The following PUM2 variants were observed in gnomAD, a reference collection of about 807,000 sequenced individuals.
The protein encoded by PUM2 is pumilio RNA binding family member 2.
PUM2 carries 57 observed loss-of-function variants against 124.5 expected under a neutral mutation model. The observed-to-expected ratio is 0.46, with a 90% CI of 0.37 to 0.57. The LOEUF (loss-of-function observed/expected upper bound fraction) is 0.57, where lower values mean the gene tolerates loss of function less well. PUM2 is among the 20% of genes least tolerant of loss of function. The pLI, the probability that PUM2 is intolerant of heterozygous loss-of-function variation, is 0.00. For missense variants in PUM2, 1,065 were observed against 1,290.6 expected, an observed-to-expected ratio of 0.83 and a Z score of 2.68; for synonymous variants, 460 against 446.1, an observed-to-expected ratio of 1.03 and a Z score of -0.39.
In PUM2 at chr2:20,308,411, C is replaced by T. The variant is rs768633137; in HGVS notation, c.692G>A (p.Gly231Asp). The change falls in exon 6 of 21, where the codon GGT (glycine) becomes GAT (aspartate). Residue 231 changes from glycine (G) to aspartate (D), a missense_variant. This residue lies in a region of PUM2 where 968 missense variants were observed against 1,159.8 expected (regional missense o/e 0.83). Coordinates refer to ENST00000361078, the MANE Select transcript of PUM2 (RefSeq NM_015317.5). The stretch of plus-strand genomic sequence containing the variant: ...ATAGTCAAACTGTAAGGATTCCAGA[C>T]CAACTTGTTCCATGGCATCCAGATT... ...TQNLDAMEQV[G>D]LESLQFDYPG... is the part of the protein sequence containing the mutation. The T allele has an allele frequency of 6.2e-7, 1 of 1,613,974 alleles. No individual in the cohort carries two copies. Among genetic ancestry groups the T allele is most frequent in the African/African-American group, 1.3e-5 (1 of 74,900 alleles).
intron 13 of PUM2, among the ~76,000 whole-genome samples, chr2:20,267,411 T>C (rs1368410567): frequency 6.6e-6 from 1 of 152,206 alleles, no homozygotes; most frequent in Non-Finnish European, 1.5e-5. Context: ...ACAGCCAATG[T>C]GATAAAGCGG....
At position 20,312,255 on chromosome 2, in the gene PUM2, C is replaced by T. The variant is rs139677788; in HGVS notation, c.329G>A (p.Arg110Gln). Residue 110 changes from arginine (R) to glutamine (Q), a missense_variant, in exon 4 of 21, where the codon CGA becomes CAA. Physicochemically the swap from Arg to Gln is conservative, Grantham distance 43. This residue lies in a region of PUM2 where 968 missense variants were observed against 1,159.8 expected (regional missense o/e 0.83). Coordinates refer to ENST00000361078, the MANE Select transcript of PUM2 (RefSeq NM_015317.5). Reference protein sequence around the residue: ...SSSPADKLDSRFRKGNFGTRD... With the variant: ...SSSPADKLDSQFRKGNFGTRD... Reference sequence around the variant, plus strand: ...ACTTACAAAATTTCCCTTCCTAAATCGAGAATCCAATTTATCAGCAGGAGA... The same window carrying T: ...ACTTACAAAATTTCCCTTCCTAAATTGAGAATCCAATTTATCAGCAGGAGA... The T allele has an allele frequency of 5.6e-4, 905 of 1,604,438 alleles. 1 individual carries two copies. The highest frequency in any genetic ancestry group is 7.2e-4 in the Non-Finnish European group (845 of 1,175,508).
intron 1 of PUM2, among the ~76,000 whole-genome samples, chr2:20,343,597 C>A (rs1210830168): frequency 6.6e-6 from 1 of 152,074 alleles, no homozygotes; most frequent in African/African-American, 2.4e-5. Context: ...TTATTCCTAA[C>A]ACTAAGCTTT....
At chr2:20,344,035 G>C (rs999371907) in intron 1 of PUM2, among the ~76,000 whole-genome samples, 1 of 151,782 alleles carries the variant, frequency 6.6e-6, no homozygotes, top group East Asian at 1.9e-4. Context: ...ACAGATACAA[G>C]GTTTCATAGT....
At chr2:20,307,227 C>CA (rs530585434) in intron 7 of PUM2, among the ~76,000 whole-genome samples, 36 of 151,904 alleles carry the variant, frequency 2.4e-4, no homozygotes, top group Non-Finnish European at 4.4e-4. Flanking sequence ...AATAAACAAA[C>CA]AAAAAAACTG....
intron 10 of PUM2, among the ~76,000 whole-genome samples, chr2:20,287,051 C>CA (rs773182010): frequency 1.3e-5 from 2 of 151,740 alleles, no homozygotes; most frequent in African/African-American, 4.8e-5. Flanking sequence ...AAAACAAAAA[C>CA]AAAAAAACAT....
intron 2 of PUM2, among the ~76,000 whole-genome samples, chr2:20,320,905 C>T (rs898942285): frequency 1.3e-5 from 2 of 152,022 alleles, no homozygotes; most frequent in African/African-American, 4.8e-5. Context: ...GAAAATAATT[C>T]CTTAAAGAAT....
chr2:20,309,356 T>A (rs900114560), intron 5 of PUM2, among the ~76,000 whole-genome samples: 2 of 149,650 alleles, frequency 1.3e-5, no homozygotes, highest in African/African-American at 4.9e-5. Flanking sequence ...GCTGAAACCA[T>A]CAGAAAGAAA....
intron 13 of PUM2, among the ~76,000 whole-genome samples, chr2:20,265,276 TAAG>T (rs1667392375): frequency 6.6e-6 from 1 of 151,660 alleles, no homozygotes; most frequent in Non-Finnish European, 1.5e-5. Context: ...GCATGTAATT[TAAG>T]AAGCTATCTT....
chr2:20,286,909 C>T (rs751447790), intron 10 of PUM2, among the ~76,000 whole-genome samples: 1 of 151,886 alleles, frequency 6.6e-6, no homozygotes, highest in Non-Finnish European at 1.5e-5. Flanking sequence ...CAACCCTGAT[C>T]GTGCCTGATC....
chr2:20,254,654 G>C (rs990434316), intron 19 of PUM2, among the ~76,000 whole-genome samples: 23 of 151,878 alleles, frequency 1.5e-4, no homozygotes, highest in African/African-American at 5.6e-4. Flanking sequence ...TCCAAATACA[G>C]ATTTCATAAA....
At position 20,294,356 on chromosome 2, in the gene PUM2, T is replaced by C; in HGVS notation, c.1152+20A>G. On this transcript the variant is annotated intron_variant, in intron 9 of 20. Coordinates refer to ENST00000361078, the MANE Select transcript of PUM2 (RefSeq NM_015317.5). ...AATTTCAAAGAATACTTGGTATTAC[T>C]TAATAGAAGGAAGGCCTACCTGTTG... The C allele has an allele frequency of 6.2e-7, 1 of 1,610,774 alleles. No homozygotes were observed. The highest frequency in any genetic ancestry group is 8.5e-7 in the Non-Finnish European group (1 of 1,178,302).
chr2:20,267,026 C>CTTTTTTTTTTTTTTTTTTTTT (rs373222999), intron 13 of PUM2, among the ~76,000 whole-genome samples: 2 of 142,816 alleles, frequency 1.4e-5, no homozygotes, highest in South Asian at 4.5e-4. Context: ...ATGCCTGTAA[C>CTTTTTTTTTTTTTTTTTTTTT]TTTTTTTTTT....
intron 15 of PUM2, 120 bp downstream of exon 15, chr2:20,260,217 A>C (rs1665840514): frequency 7.2e-6 from 8 of 1,111,732 alleles, no homozygotes; most frequent in Non-Finnish European, 8.7e-6. Context: ...TAAATATCTT[A>C]TCCCTGGCTT....
In PUM2 at chr2:20,278,677, T is replaced by C. The variant is rs1465144766; in HGVS notation, c.1863A>G (p.Pro621=). The change falls in exon 13 of 21, where the codon CCA becomes CCG. Residue 621 remains proline, a synonymous_variant. Transcript: ENST00000361078. ...NSLGFSSSPS[P]IGMPLPSQTP... ...TTTGGCTTGGCAGAGGCATGCCTAT[T>C]GGACTTGGAGAGGAGGAAAATCCCA... 6.2e-7 allele frequency: 1 copy of C among 1,613,458 alleles called. No homozygotes were observed.
intron 13 of PUM2, among the ~76,000 whole-genome samples, chr2:20,272,787 T>C (rs1488251460): frequency 6.6e-6 from 1 of 152,198 alleles, no homozygotes; most frequent in Non-Finnish European, 1.5e-5. Flanking sequence ...ACCTAAAATA[T>C]GGTATGTCCT....
chr2:20,278,788 C>A lies in PUM2; in HGVS notation c.1752G>T (p.Arg584Ser). ...VGSSASSSAT[R>S]RESLSTSSDL... The stretch of plus-strand genomic sequence containing the variant: ...CAGAGCTAGTAGATAGAGACTCTCT[C>A]CTTGTGGCACTACTACTTGCAGAAC... Residue 584 changes from arginine (R) to serine (S), a missense_variant, in exon 13 of 21, where the codon AGG becomes AGT. Coordinates refer to ENST00000361078, the MANE Select transcript of PUM2 (RefSeq NM_015317.5). 1 of 1,613,104 alleles carries A rather than the reference C, an allele frequency of 6.2e-7. No individual in the cohort carries two copies. The highest frequency in any genetic ancestry group is 8.5e-7 in the Non-Finnish European group (1 of 1,179,398).
chr2:20,344,947 C>G lies in PUM2; in HGVS notation c.-19+5650G>C, dbSNP rs191524512. On this transcript the variant is annotated intron_variant, in intron 1 of 20. Coordinates refer to ENST00000361078, the MANE Select transcript of PUM2 (RefSeq NM_015317.5). ...GCAGTGAGTTGTGATAGTGCCACTG[C>G]ACTCCAGCCAGAGCAACGGAGGGAG... Among the ~76,000 whole-genome samples the G allele has an allele frequency of 7.2e-3, 998 of 138,466 alleles. 3 individuals carry two copies. The highest frequency in any genetic ancestry group is 0.012 in the Non-Finnish European group (797 of 66,008). The allele number at this position is 138,466 out of a possible 152,430, so 90.8% of individuals were successfully genotyped here. A position where few individuals can be genotyped will look rare whatever the true frequency, so the allele number is the denominator to read the frequency against.
chr2:20,324,035 A>G (rs992398512), intron 2 of PUM2, among the ~76,000 whole-genome samples: 3 of 152,080 alleles, frequency 2.0e-5, no homozygotes, highest in African/African-American at 7.2e-5. Flanking sequence ...AGTTTAAGAT[A>G]GAATTAAGAT....
Sources: gnomAD v4.1 joint callset for allele counts (sites outside exome capture counted in the v4.1 genomes callset) on GRCh38, gnomAD v4.1.1 for gene constraint, gnomAD v4.1.1 regional missense constraint, MANE v1.5 for transcripts, NCBI Gene and HGNC (gene_info 2026-07-23, HGNC 2026-07-21) for gene names.